Variants in NEK1 observed in about 807,000 individuals in gnomAD.
The protein encoded by NEK1 is NIMA related kinase 1, also known as serine/threonine-protein kinase Nek1.
Under a neutral mutation model 182.1 loss-of-function variants are expected in NEK1, and 137 were observed. That is an observed-to-expected ratio of 0.75 (90% confidence interval 0.65 to 0.87). The LOEUF is 0.87. NEK1 is among the 40% of genes least tolerant of loss of function. The pLI is 0.00. For synonymous variants in NEK1, 513 were observed against 492.2 expected (o/e 1.04, Z -0.56); for missense variants, 1,391 against 1,494.4 (o/e 0.93, Z 1.14).
chr4:169,501,860 C>A (rs556508117), intron 23 of NEK1, among the ~76,000 whole-genome samples: 2 of 151,974 alleles, frequency 1.3e-5, no homozygotes, highest in Non-Finnish European at 2.9e-5. Flanking sequence ...CAAAAAGAAA[C>A]TAAATCAAAA....
At chr4:169,501,850 C>CA (rs1457266720) in intron 23 of NEK1, among the ~76,000 whole-genome samples, 1 of 151,584 alleles carries the variant, frequency 6.6e-6, no homozygotes, top group Non-Finnish European at 1.5e-5. Context: ...ACTAGAAGAA[C>CA]AAAAAGAAAC....
At position 169,537,840 on chromosome 4, in the gene NEK1, A is replaced by G. The variant is rs760674667; in HGVS notation, c.1634T>C (p.Met545Thr). 9.9e-6 allele frequency: 16 copies of G among 1,612,816 alleles called. No homozygotes were observed. In the East Asian group the frequency reaches 1.6e-4, roughly 16 times the overall value. Residue 545 changes from methionine to threonine, a missense_variant, in exon 19 of 36, where the codon ATG becomes ACG. By Grantham distance (81) the Met-to-Thr change is moderately conservative. Around this residue, in one of 5 missense-constraint regions of NEK1, gnomAD observed 1,216 missense variants for 1,277.6 expected, o/e 0.95. Transcript: ENST00000507142. ...EEFLQRKREA[M>T]QNKARAEGHM... ...TCCTTCGGCTCGAGCTTTATTCTGC[A>G]TAGCTTCCCGTTTTCGCTGCAGGAA...
At chr4:169,429,030 G>A (rs1462197174) in intron 29 of NEK1, among the ~76,000 whole-genome samples, 1 of 151,800 alleles carries the variant, frequency 6.6e-6, no homozygotes, top group Non-Finnish European at 1.5e-5. Context: ...CTACTTAGAT[G>A]CAATTTTTTT....
At chr4:169,577,543 G>A (rs1434987757) in intron 11 of NEK1, among the ~76,000 whole-genome samples, 1 of 152,058 alleles carries the variant, frequency 6.6e-6, no homozygotes, top group Non-Finnish European at 1.5e-5. Context: ...CGAGGCGGGT[G>A]GATCACGAGG....
chr4:169,550,975 T>C (rs1761341922), intron 18 of NEK1, among the ~76,000 whole-genome samples: 1 of 152,184 alleles, frequency 6.6e-6, no homozygotes. Context: ...TTTTAGCAAG[T>C]AGGTAAATTC....
chr4:169,427,787 T>A (rs868579796), intron 29 of NEK1, among the ~76,000 whole-genome samples: 1 of 152,112 alleles, frequency 6.6e-6, no homozygotes, highest in African/African-American at 2.4e-5. Context: ...TAAGCCACCA[T>A]GTCCAGCCTC....
At chr4:169,498,714 A>G (rs180714667) in intron 23 of NEK1, among the ~76,000 whole-genome samples, 181 of 152,348 alleles carry the variant, frequency 1.2e-3, no homozygotes, top group Middle Eastern at 3.4e-3. Context: ...CGTTTCTTTA[A>G]GAATGTTGAA....
At chr4:169,432,885 T>G (rs1263923172) in intron 29 of NEK1, among the ~76,000 whole-genome samples, 1 of 152,158 alleles carries the variant, frequency 6.6e-6, no homozygotes, top group Non-Finnish European at 1.5e-5. Flanking sequence ...GTGATTCTCC[T>G]GCCTCAGCCT....
At chr4:169,433,457 G>T in intron 29 of NEK1, 88 bp downstream of exon 29, 4 of 1,210,386 alleles carry the variant, frequency 3.3e-6, no homozygotes, top group Non-Finnish European at 4.7e-6. Flanking sequence ...AGGATATTAT[G>T]TTGCAATATT....
intron 12 of NEK1, among the ~76,000 whole-genome samples, chr4:169,567,474 C>T (rs1349383188): frequency 1.3e-5 from 2 of 151,816 alleles, no homozygotes; most frequent in African/African-American, 4.8e-5. Flanking sequence ...CATCTCTGCT[C>T]ACTGCAACCT....
At chr4:169,435,666 C>T (rs1489643262) in intron 28 of NEK1, among the ~76,000 whole-genome samples, 1 of 152,096 alleles carries the variant, frequency 6.6e-6, no homozygotes, top group South Asian at 2.1e-4. Flanking sequence ...TCTGGAAGCC[C>T]AAGCCATCAT....
Position 169,508,299 on chromosome 4 carries a change from T to C in NEK1, c.1782A>G (p.Leu594=), listed in dbSNP as rs1156771395. The C allele has an allele frequency of 2.5e-6, 4 of 1,590,844 alleles. No homozygotes were observed. Among genetic ancestry groups the C allele is most frequent in the African/African-American group, 1.3e-5 (1 of 74,298 alleles). Residue 594 remains leucine, a synonymous_variant, in exon 21 of 36, where the codon CTA becomes CTG. Coordinates refer to ENST00000507142, the MANE Select transcript of NEK1 (RefSeq NM_001199397.3). ...VYLARLRQIR[L]QNFNERQQIK... is the part of the protein sequence containing the mutation. ...TCTGTTGGCGCTCATTGAAATTCTG[T>C]AGTCTTATTTGCCTCAGTCTTGCCA...
chr4:169,543,049 T>G (rs1759729519), intron 18 of NEK1, among the ~76,000 whole-genome samples: 1 of 152,214 alleles, frequency 6.6e-6, no homozygotes, highest in African/African-American at 2.4e-5. Flanking sequence ...GTTTTAGTCA[T>G]GAAGTCTTTG....
chr4:169,466,613 C>T (rs1023613347), intron 26 of NEK1, among the ~76,000 whole-genome samples: 1 of 151,906 alleles, frequency 6.6e-6, no homozygotes, highest in Non-Finnish European at 1.5e-5. Flanking sequence ...AAAACTTTTA[C>T]AAACATTTGT....
intron 23 of NEK1, among the ~76,000 whole-genome samples, chr4:169,506,082 GA>G (rs968824194): frequency 3.8e-4 from 51 of 135,824 alleles, no homozygotes; most frequent in East Asian, 4.2e-4. Context: ...CAATATGATT[GA>G]AAAAAAAAAA....
intron 26 of NEK1, among the ~76,000 whole-genome samples, chr4:169,472,391 G>A (rs1299968126): frequency 1.3e-5 from 2 of 152,130 alleles, no homozygotes; most frequent in African/African-American, 4.8e-5. Context: ...AGAGGAGGGA[G>A]TTCCTCAACC....
chr4:169,488,149 T>C (rs1430168718), intron 23 of NEK1, among the ~76,000 whole-genome samples: 1 of 152,238 alleles, frequency 6.6e-6, no homozygotes, highest in Non-Finnish European at 1.5e-5. Context: ...TGACAGTTTC[T>C]TTTGCTGTGC....
chr4:169,523,900 T>C (rs576771722), intron 19 of NEK1, among the ~76,000 whole-genome samples: 1 of 152,314 alleles, frequency 6.6e-6, no homozygotes, highest in African/African-American at 2.4e-5. Context: ...TAACTGCACA[T>C]TTTGTAAGGT....
At chr4:169,541,883 T>G (rs1370260515) in intron 18 of NEK1, among the ~76,000 whole-genome samples, 2 of 152,200 alleles carry the variant, frequency 1.3e-5, no homozygotes, top group African/African-American at 4.8e-5. Context: ...GATCCAACCT[T>G]TGAACAGTCC....
Sources: allele counts gnomAD v4.1 joint callset (sites outside exome capture counted in the v4.1 genomes callset), GRCh38; gene constraint gnomAD v4.1.1; regional missense constraint gnomAD v4.1.1; transcripts MANE v1.5; gene names NCBI Gene and HGNC (gene_info 2026-07-23, HGNC 2026-07-21).